Variants in PANK1 observed in about 807,000 individuals in gnomAD.
PANK1 encodes the protein pantothenic acid kinase 1.
PANK1 carries 18 observed loss-of-function variants against 40.1 expected under a neutral mutation model. The ratio of observed to expected loss-of-function variants is 0.45; its 90% CI spans 0.31 to 0.67. The LOEUF is 0.67. Ranked by LOEUF, PANK1 falls within the 30% of genes least tolerant of loss-of-function variation. PANK1 has a pLI of 0.06. For synonymous variants in PANK1, 242 were observed against 237.7 expected (o/e 1.02, Z -0.17); for missense variants, 457 against 599.6 (o/e 0.76, Z 2.48).
chr10:89,630,096 T>A (rs370652986), intron 1 of PANK1, among the ~76,000 whole-genome samples: 28 of 152,318 alleles, frequency 1.8e-4, no homozygotes, highest in African/African-American at 6.5e-4. Flanking sequence ...AGAAAATATG[T>A]CTAAGCCTTG....
chr10:89,584,448 A>T lies in PANK1; in HGVS notation c.1344T>A (p.Val448=). The T allele has an allele frequency of 6.2e-7, 1 of 1,608,104 alleles. No homozygotes were observed. Among genetic ancestry groups the T allele is most frequent in the Non-Finnish European group, 8.5e-7 (1 of 1,174,558 alleles). The change falls in exon 7 of 7, where the codon GTT becomes GTA. Residue 448 remains valine, a synonymous_variant. Transcript: ENST00000307534. ...TTTTGAACAGTTCCAACAGTGCCCC[A>T]ACGGCTCCAAAATAACCCTACGAAA... The part of the protein sequence containing the change: ...FLEHEGYFGA[V]GALLELFKMT...
intron 1 of PANK1, 107 bp downstream of exon 1, chr10:89,644,493 C>G (rs550442415): frequency 2.0e-6 from 2 of 983,618 alleles, no homozygotes; most frequent in African/African-American, 1.7e-5. Flanking sequence ...ACCGCAGACG[C>G]GGGGGCGCAC....
Position 89,611,923 on chromosome 10 carries a change from A to G in PANK1, c.418T>C (p.Leu140=). 6.2e-7 allele frequency: 1 copy of G among 1,614,134 alleles called. No individual in the cohort carries two copies. The highest frequency in any genetic ancestry group is 8.5e-7 in the Non-Finnish European group (1 of 1,180,026). ...TTCCCATAAGCAGTATTAGAAGTCA[A>G]ATACTTCCGGATGCTCTTCAGGTTC... ...VENLKSIRKY[L]TSNTAYGKTG... The change falls in exon 2 of 7, where the codon TTG becomes CTG. Residue 140 remains leucine (L), a synonymous_variant. Transcript: ENST00000307534.
chr10:89,622,738 G>A (rs1845528789), intron 1 of PANK1, among the ~76,000 whole-genome samples: 1 of 151,974 alleles, frequency 6.6e-6, no homozygotes, highest in African/African-American at 2.4e-5. Flanking sequence ...TCAGGAGGCT[G>A]AGGCAGGAGA....
At chr10:89,614,376 T>A (rs888283305) in intron 1 of PANK1, among the ~76,000 whole-genome samples, 1 of 152,222 alleles carries the variant, frequency 6.6e-6, no homozygotes, top group Non-Finnish European at 1.5e-5. Flanking sequence ...CAGCATCTTT[T>A]ACCATGCTCA....
chr10:89,610,885 CTT>C (rs1484052937), intron 2 of PANK1, among the ~76,000 whole-genome samples: 1 of 151,982 alleles, frequency 6.6e-6, no homozygotes, highest in Non-Finnish European at 1.5e-5. Flanking sequence ...TATTGTTTCA[CTT>C]TCTTCTCACT....
At chr10:89,616,574 A>T (rs1224773080) in intron 1 of PANK1, among the ~76,000 whole-genome samples, 1 of 152,094 alleles carries the variant, frequency 6.6e-6, no homozygotes, top group Non-Finnish European at 1.5e-5. Flanking sequence ...TACTACGACT[A>T]TGCCTGTGAA....
At chr10:89,607,953 G>A (rs1395717059) in intron 2 of PANK1, among the ~76,000 whole-genome samples, 1 of 150,630 alleles carries the variant, frequency 6.6e-6, no homozygotes, top group Non-Finnish European at 1.5e-5. Context: ...TTTCTTCTGT[G>A]TTCCATTTTG....
intron 6 of PANK1, 47 bp downstream of exon 6, chr10:89,588,604 CA>C: frequency 6.8e-7 from 1 of 1,464,424 alleles, no homozygotes. Flanking sequence ...TTAGCCAAAC[CA>C]AAATATACTC....
chr10:89,634,192 C>T (rs1841734523), intron 1 of PANK1, among the ~76,000 whole-genome samples: 1 of 152,092 alleles, frequency 6.6e-6, no homozygotes, highest in Admixed American at 6.5e-5. Flanking sequence ...TGCTGGAAGC[C>T]TCACCATACT....
At chr10:89,595,217 G>A (rs1390251392) in intron 3 of PANK1, among the ~76,000 whole-genome samples, 1 of 151,946 alleles carries the variant, frequency 6.6e-6, no homozygotes, top group African/African-American at 2.4e-5. Context: ...TTGGGAGGCT[G>A]AGACAGGCAA....
intron 1 of PANK1, among the ~76,000 whole-genome samples, chr10:89,618,034 C>T (rs900714361): frequency 6.6e-6 from 1 of 152,148 alleles, no homozygotes; most frequent in Non-Finnish European, 1.5e-5. Context: ...TAGATGCAAT[C>T]AGAGAGTCTA....
At chr10:89,586,896 G>C (rs998361601) in intron 6 of PANK1, among the ~76,000 whole-genome samples, 5 of 152,182 alleles carry the variant, frequency 3.3e-5, no homozygotes, top group Non-Finnish European at 7.4e-5. Context: ...GGAGGCTGAG[G>C]CGGGTGGATT....
intron 2 of PANK1, among the ~76,000 whole-genome samples, chr10:89,603,032 C>A (rs993653144): frequency 6.6e-6 from 1 of 152,074 alleles, no homozygotes; most frequent in Non-Finnish European, 1.5e-5. Flanking sequence ...AATGCTGATC[C>A]TATAATGAGC....
At position 89,645,209 on chromosome 10, in the gene PANK1, C is replaced by A; in HGVS notation, c.-318G>T. ...GCCTTCCCCTGATCCCCAGGCCGCG[C>A]GACTTCAAACGCGGCTTCCTCGCCT... On this transcript the variant is annotated 5_prime_UTR_variant, in exon 1 of 7. Transcript: ENST00000307534. 6.3e-7 allele frequency: 1 copy of A among 1,597,668 alleles called. No individual in the cohort carries two copies. The highest frequency in any genetic ancestry group is 1.1e-5 in the South Asian group (1 of 90,076).
At chr10:89,643,635 CTA>C in intron 1 of PANK1, 1 of 1,276,938 alleles carries the variant, frequency 7.8e-7, no homozygotes, top group Non-Finnish European at 1.1e-6. Context: ...AACAATTTCC[CTA>C]TATCGAACAG....
At chr10:89,624,821 G>T (rs1322456711) in intron 1 of PANK1, among the ~76,000 whole-genome samples, 1 of 152,134 alleles carries the variant, frequency 6.6e-6, no homozygotes, top group Non-Finnish European at 1.5e-5. Flanking sequence ...TTTCAACAAG[G>T]GGTCCCTGTA....
At chr10:89,602,389 C>G (rs955500136) in intron 2 of PANK1, among the ~76,000 whole-genome samples, 5 of 152,210 alleles carry the variant, frequency 3.3e-5, no homozygotes, top group African/African-American at 1.2e-4. Flanking sequence ...CATCCCCAGA[C>G]AGGGAAACAA....
chr10:89,586,091 T>C (rs930987832), intron 6 of PANK1, among the ~76,000 whole-genome samples: 2 of 152,208 alleles, frequency 1.3e-5, no homozygotes, highest in African/African-American at 4.8e-5. Context: ...TTATTTCCTA[T>C]CTTACCACCT....
Sources: gnomAD v4.1 joint callset for allele counts (sites outside exome capture counted in the v4.1 genomes callset) on GRCh38, gnomAD v4.1.1 for gene constraint, MANE v1.5 for transcripts, NCBI Gene and HGNC (gene_info 2026-07-23, HGNC 2026-07-21) for gene names.